HERC2: variants seen among roughly 807,000 people sequenced by gnomAD.
HERC2 encodes E3 ubiquitin-protein ligase HERC2.
In HERC2, 102 loss-of-function variants were observed where a neutral mutation model predicts 537.7. The observed-to-expected ratio is 0.19, with a 90% CI of 0.16 to 0.22. The LOEUF (loss-of-function observed/expected upper bound fraction) is 0.22, where lower values mean the gene tolerates loss of function less well. Ranked by LOEUF, HERC2 falls within the 10% of genes least tolerant of loss-of-function variation. The pLI is 1.00. For missense variants in HERC2, 4,236 were observed against 6,198.2 expected (o/e 0.68, Z 10.63); for synonymous variants, 2,224 against 2,466.2 (o/e 0.90, Z 2.91).
chr15:28,308,993 G>T (rs1481909293), intron 2 of HERC2, among the ~76,000 whole-genome samples: 1 of 152,194 alleles, frequency 6.6e-6, no homozygotes, highest in Non-Finnish European at 1.5e-5. Context: ...AGAGACATTG[G>T]CCTGTAGTAT....
At position 28,191,008 on chromosome 15, in the gene HERC2, TTA is replaced by T; in HGVS notation, c.8604_8605del (p.Asn2869ProfsTer3). 6.2e-7 allele frequency: 1 copy of T among 1,613,070 alleles called. No homozygotes were observed. Among genetic ancestry groups the T allele is most frequent in the Non-Finnish European group, 8.5e-7 (1 of 1,179,088 alleles). ...AAGGGGCACTGTGGTGTCAGAAGGGTTAATATTGATTGTCTTTAGTTCAATAA... is the reference window on the plus strand; with the variant it reads ...AAGGGGCACTGTGGTGTCAGAAGGGTATATTGATTGTCTTTAGTTCAATAA... On this transcript the variant is annotated frameshift_variant, in exon 55 of 93. Transcript: ENST00000261609. LOFTEE classifies it high-confidence loss of function.
intron 51 of HERC2, 43 bp downstream of exon 51, chr15:28,196,418 C>T (rs374206487): frequency 4.5e-6 from 7 of 1,558,756 alleles, no homozygotes; most frequent in Admixed American, 1.7e-5. Flanking sequence ...AACAGAAAAC[C>T]ATTCGTCCCA....
intron 68 of HERC2, among the ~76,000 whole-genome samples, chr15:28,166,419 T>C (rs1358100191): frequency 6.6e-6 from 1 of 152,182 alleles, no homozygotes; most frequent in Non-Finnish European, 1.5e-5. Context: ...TATAGATAAA[T>C]GCAGAAGGAT....
chr15:28,151,010 G>T (rs568020657), intron 70 of HERC2, among the ~76,000 whole-genome samples: 1 of 152,276 alleles, frequency 6.6e-6, no homozygotes, highest in East Asian at 1.9e-4. Context: ...AAGACTGAAA[G>T]AAAGTATAGT....
chr15:28,313,720 A>G (rs779056848), intron 2 of HERC2, among the ~76,000 whole-genome samples: 2 of 152,250 alleles, frequency 1.3e-5, no homozygotes, highest in Non-Finnish European at 2.9e-5. Flanking sequence ...AAAAATGTTA[A>G]GAACAGGTTC....
chr15:28,266,723 TAAC>T (rs1448260661), intron 12 of HERC2, among the ~76,000 whole-genome samples: 1 of 151,976 alleles, frequency 6.6e-6, no homozygotes, highest in Non-Finnish European at 1.5e-5. Flanking sequence ...GACAAAATAA[TAAC>T]AACAGAGGGC....
chr15:28,112,455 A>T (rs1804908804), intron 92 of HERC2, among the ~76,000 whole-genome samples: 1 of 152,242 alleles, frequency 6.6e-6, no homozygotes, highest in Admixed American at 6.5e-5. Context: ...TAAGATAGAA[A>T]ACTATGCATG....
At chr15:28,158,487 G>T (rs933245065) in intron 69 of HERC2, among the ~76,000 whole-genome samples, 2 of 152,160 alleles carry the variant, frequency 1.3e-5, no homozygotes, top group Admixed American at 1.3e-4. Context: ...TTACCATTAT[G>T]TAATGGCCTT....
At chr15:28,121,275 C>T in intron 86 of HERC2, 71 bp downstream of exon 86, 1 of 1,393,824 alleles carries the variant, frequency 7.2e-7, no homozygotes, top group Non-Finnish European at 1.0e-6. Context: ...GCGCTCTCGT[C>T]CCAGCCCAGG....
chr15:28,119,702 C>T lies in HERC2; in HGVS notation c.13272+1644G>A, dbSNP rs781762080. ...CTCCTAGGCTCAAGCAATCCATCCA[C>T]GTCAGCCTCCCAAAGTGCTGGGATT... On this transcript the variant is annotated intron_variant, in intron 86 of 92. Transcript: ENST00000261609. Among the ~76,000 whole-genome samples, 3 of 152,082 alleles carry T rather than the reference C, an allele frequency of 2.0e-5. 1 individual carries two copies. Among genetic ancestry groups the T allele is most frequent in the Admixed American group, 1.3e-4 (2 of 15,272 alleles).
chr15:28,318,752 T>G (rs1250323823), intron 2 of HERC2, among the ~76,000 whole-genome samples: 3 of 152,022 alleles, frequency 2.0e-5, no homozygotes, highest in African/African-American at 7.2e-5. Context: ...ATCCAAATAA[T>G]GTCTATGATA....
In HERC2 at chr15:28,125,205, G is replaced by A. The variant is rs1179094445; in HGVS notation, c.12803-12C>T. 6.3e-7 allele frequency: 1 copy of A among 1,597,206 alleles called. No homozygotes were observed. The highest frequency in any genetic ancestry group is 8.6e-7 in the Non-Finnish European group (1 of 1,165,592). The stretch of plus-strand genomic sequence containing the variant: ...TGTATAAACCTCACCTGAATGAAGT[G>A]AATTTAGAATCAGAACCTGTATACT... On this transcript the variant is annotated splice_polypyrimidine_tract_variant and intron_variant, in intron 83 of 92. Transcript: ENST00000261609.
intron 10 of HERC2, 44 bp from the exon 11 acceptor site, chr15:28,269,480 A>G: frequency 6.7e-7 from 1 of 1,498,584 alleles, no homozygotes; most frequent in Non-Finnish European, 9.2e-7. Context: ...AACAACAACA[A>G]TAAAAAAAGG....
At chr15:28,162,988 C>G in intron 69 of HERC2, 106 bp downstream of exon 69, 1 of 973,636 alleles carries the variant, frequency 1.0e-6, no homozygotes, top group African/African-American at 1.6e-5. Flanking sequence ...TAGGATGAAA[C>G]CCAGCACAAG....
rs1210783061 is a variant in HERC2, at chr15:28,319,278, G to A, written c.72+2084C>T. On this transcript the variant is annotated intron_variant, in intron 2 of 92. Transcript: ENST00000261609. ...AACCTAGTCATTTCCCTTACTCCTA[G>A]GAGGAATTTAGATGACTTTTTTTTT... Among the ~76,000 whole-genome samples the A allele has an allele frequency of 7.9e-5, 12 of 152,356 alleles. No homozygotes were observed. The South Asian group carries it at 8.3e-4, about 11-fold the overall frequency.
chr15:28,267,386 T>C (rs2075598114), intron 12 of HERC2, among the ~76,000 whole-genome samples: 1 of 152,202 alleles, frequency 6.6e-6, no homozygotes, highest in South Asian at 2.1e-4. Flanking sequence ...CACTGAGAAT[T>C]GTTTTACTAT....
chr15:28,212,795 C>T (rs1449780832), intron 42 of HERC2: 1 of 356,642 alleles, frequency 2.8e-6, no homozygotes. Context: ...TTTTTCTTTA[C>T]AAACCTGTCA....
chr15:28,257,018 A>G (rs769014693), intron 17 of HERC2, 43 bp downstream of exon 17: 1 of 1,524,350 alleles, frequency 6.6e-7, no homozygotes, highest in East Asian at 2.3e-5. Flanking sequence ...CAAATCCCTA[A>G]GACACTTACA....
chr15:28,313,192 ATTTTTTTTTT>A (rs57465951), intron 2 of HERC2, among the ~76,000 whole-genome samples: 4 of 95,150 alleles, frequency 4.2e-5, no homozygotes, highest in Non-Finnish European at 9.0e-5. Flanking sequence ...CAGTTAAGGC[ATTTTTTTTTT>A]TTTTTTTTTG....
Sources: allele counts gnomAD v4.1 joint callset (sites outside exome capture counted in the v4.1 genomes callset), GRCh38; gene constraint gnomAD v4.1.1; transcripts MANE v1.5; gene names NCBI Gene and HGNC (gene_info 2026-07-23, HGNC 2026-07-21).